The following ANKRD2 variants were observed in gnomAD, a reference collection of about 807,000 sequenced individuals.
ANKRD2 encodes the protein ankyrin repeat domain-containing protein 2.
A neutral mutation model predicts 37.3 loss-of-function variants in ANKRD2; 35 were observed. The ratio of observed to expected loss-of-function variants is 0.94; its 90% CI spans 0.72 to 1.24. ANKRD2 has a LOEUF of 1.24. Among genes scored for constraint, ANKRD2 ranks in the 50% most tolerant of loss-of-function variants. ANKRD2 has a pLI of 0.00. For missense variants in ANKRD2, 410 were observed against 445.6 expected (o/e 0.92, Z 0.72); for synonymous variants, 159 against 186.5 (o/e 0.85, Z 1.20).
In ANKRD2 at chr10:97,577,689, G is replaced by A. The variant is rs928370488; in HGVS notation, c.88-111G>A. 3 of 855,538 alleles carry A rather than the reference G, an allele frequency of 3.5e-6. No individual in the cohort carries two copies. The African/African-American group carries it at 5.2e-5, about 15-fold the overall frequency. The allele number at this position is 855,538 out of a possible 1,614,324, so 53.0% of individuals were successfully genotyped here. Reference sequence around the variant, plus strand: ...GGGGCTCCCCAGGATCAGCCAGAAGGGCTCTGAGACCACCCAGGAGGATGT... The same window carrying A: ...GGGGCTCCCCAGGATCAGCCAGAAGAGCTCTGAGACCACCCAGGAGGATGT... On this transcript the variant is annotated intron_variant, in intron 1 of 8. Coordinates refer to ENST00000370655, the MANE Select transcript of ANKRD2 (RefSeq NM_001346793.2).
At chr10:97,575,709 G>A (rs1231789039) in intron 1 of ANKRD2, among the ~76,000 whole-genome samples, 1 of 152,126 alleles carries the variant, frequency 6.6e-6, no homozygotes, top group Non-Finnish European at 1.5e-5. Context: ...CAGGAGTTTG[G>A]ACCAGCCTGG....
At chr10:97,579,239 A>G (rs971583330) in intron 4 of ANKRD2, among the ~76,000 whole-genome samples, 14 of 152,064 alleles carry the variant, frequency 9.2e-5, no homozygotes, top group Admixed American at 8.5e-4. Context: ...TATTCACTGA[A>G]TGAATGAAGA....
At chr10:97,583,374 A>AGCAACATTCTTG in intron 8 of ANKRD2, among the ~76,000 whole-genome samples, 1 of 152,142 alleles carries the variant, frequency 6.6e-6, no homozygotes, top group Admixed American at 6.5e-5. Context: ...AGGATATTTA[A>AGCAACATTCTTG]GCAACATTCT....
Position 97,583,743 on chromosome 10 carries a change from G to A in ANKRD2, c.*18G>A. The A allele has an allele frequency of 1.3e-6, 2 of 1,495,840 alleles. No individual in the cohort carries two copies. Among genetic ancestry groups the A allele is most frequent in the Non-Finnish European group, 1.8e-6 (2 of 1,124,746 alleles). The allele number at this position is 1,495,840 out of a possible 1,614,324, so 92.7% of individuals were successfully genotyped here. A position where few individuals can be genotyped will look rare whatever the true frequency, so the allele number is the denominator to read the frequency against. ...CCCAGTGAATGCGTGCCCCAGCCCA[G>A]CCAGCTACCCAGCCCCTCTCTGTGT... On this transcript the variant is annotated 3_prime_UTR_variant, in exon 9 of 9. Transcript: ENST00000370655.
intron 8 of ANKRD2, among the ~76,000 whole-genome samples, chr10:97,583,260 C>T (rs1394322944): frequency 6.6e-6 from 1 of 152,104 alleles, no homozygotes; most frequent in Admixed American, 6.5e-5. Context: ...ATGAGAAAAG[C>T]AGGAAAATAT....
At chr10:97,578,155 C>A in intron 2 of ANKRD2, 85 bp from the exon 3 acceptor site, 2 of 1,115,274 alleles carry the variant, frequency 1.8e-6, no homozygotes, top group Non-Finnish European at 1.3e-6. Flanking sequence ...CCCACCCCAC[C>A]CTCCCCACCA....
upstream of ANKRD2, chr10:97,572,673 G>A (rs376730113): frequency 4.4e-6 from 7 of 1,578,134 alleles, no homozygotes; most frequent in South Asian, 7.0e-5. Context: ...GGTGACAGGT[G>A]GGGGAGGCAG....
At chr10:97,577,118 C>G (rs2040836087) in intron 1 of ANKRD2, among the ~76,000 whole-genome samples, 2 of 152,106 alleles carry the variant, frequency 1.3e-5, no homozygotes, top group African/African-American at 2.4e-5. Context: ...ATCCTCCCAC[C>G]TCAGTCTCCC....
At position 97,581,575 on chromosome 10, in the gene ANKRD2, A is replaced by G. The variant is rs192056853; in HGVS notation, c.654+161A>G. On this transcript the variant is annotated intron_variant, in intron 6 of 8. Coordinates refer to ENST00000370655, the MANE Select transcript of ANKRD2 (RefSeq NM_001346793.2). ...AAAACAGTGTCCTACTGGGCCTCCC[A>G]GCCCAGGGATGGGTCCCTGCCATCC... is the stretch of plus-strand genomic sequence containing the variant. Among the ~76,000 whole-genome samples the G allele has an allele frequency of 4.3e-4, 65 of 152,316 alleles. 1 individual carries two copies. Among genetic ancestry groups the G allele is most frequent in the Admixed American group, 3.1e-3 (48 of 15,298 alleles).
chr10:97,572,916 A>G, intron 1 of ANKRD2, 41 bp downstream of exon 1: 1 of 1,534,676 alleles, frequency 6.5e-7, no homozygotes, highest in Non-Finnish European at 8.8e-7. Flanking sequence ...GTCTGAGGAG[A>G]TCCAGTTCTG....
chr10:97,578,978 C>T (rs1407080893), intron 4 of ANKRD2, among the ~76,000 whole-genome samples: 1 of 152,138 alleles, frequency 6.6e-6, no homozygotes, highest in Admixed American at 6.5e-5. Context: ...CAGTTTCCTC[C>T]TCTGTAAAAT....
intron 1 of ANKRD2, 23 bp downstream of exon 1, chr10:97,572,898 C>T: frequency 1.3e-6 from 2 of 1,548,314 alleles, no homozygotes; most frequent in Non-Finnish European, 1.7e-6. Flanking sequence ...GTGGAGGTGC[C>T]CAAGGGGGTC....
intron 2 of ANKRD2, 67 bp from the exon 3 acceptor site, chr10:97,578,173 T>A: frequency 1.9e-6 from 1 of 529,982 alleles, no homozygotes; most frequent in Middle Eastern, 5.4e-4. Flanking sequence ...CCAGCTTAGC[T>A]CAGAGGTCTC....
intron 2 of ANKRD2, 96 bp from the exon 3 acceptor site, chr10:97,578,144 G>GGGCCCCCCCCCCA: frequency 4.4e-6 from 3 of 685,438 alleles, no homozygotes; most frequent in Non-Finnish European, 5.0e-6. Flanking sequence ...GGGTCTTCCT[G>GGGCCCCCCCCCCA]CCCACCCCAC....
At chr10:97,574,715 A>G (rs2040802180) in intron 1 of ANKRD2, among the ~76,000 whole-genome samples, 2 of 152,138 alleles carry the variant, frequency 1.3e-5, no homozygotes, top group Non-Finnish European at 2.9e-5. Flanking sequence ...AGGAGGAAGG[A>G]AGGGTCAAGA....
At chr10:97,583,551 C>T (rs2040930199) in intron 8 of ANKRD2, 25 bp from the exon 9 acceptor site, 7 of 1,567,934 alleles carry the variant, frequency 4.5e-6, no homozygotes, top group Non-Finnish European at 6.0e-6. Context: ...TTGCCAACCC[C>T]CACGCCCCGT....
intron 1 of ANKRD2, 76 bp from the exon 2 acceptor site, chr10:97,577,724 G>A: frequency 1.7e-6 from 2 of 1,176,600 alleles, no homozygotes; most frequent in Non-Finnish European, 2.4e-6. Flanking sequence ...TCTCTGTGGG[G>A]TGTCCTTGGT....
At chr10:97,578,192 C>G in intron 2 of ANKRD2, 48 bp from the exon 3 acceptor site, 2 of 1,590,392 alleles carry the variant, frequency 1.3e-6, no homozygotes, top group Non-Finnish European at 1.7e-6. Context: ...TCCCAAGCCC[C>G]CCAAACTCTC....
At chr10:97,583,325 G>A (rs1371807303) in intron 8 of ANKRD2, among the ~76,000 whole-genome samples, 1 of 152,134 alleles carries the variant, frequency 6.6e-6, no homozygotes, top group Non-Finnish European at 1.5e-5. Context: ...ATTTAGGGCT[G>A]GGTGATTGTT....
Sources: allele counts gnomAD v4.1 joint callset (sites outside exome capture counted in the v4.1 genomes callset), GRCh38; gene constraint gnomAD v4.1.1; transcripts MANE v1.5; gene names NCBI Gene and HGNC (gene_info 2026-07-23, HGNC 2026-07-21).